The following EBNA1BP2 variants were observed in gnomAD, a reference collection of about 807,000 sequenced individuals.
The protein encoded by EBNA1BP2 is EBNA1 binding protein 2.
Under a neutral mutation model 43.5 loss-of-function variants are expected in EBNA1BP2, and 36 were observed. That is an observed-to-expected ratio of 0.83 (90% CI 0.63 to 1.09). The LOEUF (loss-of-function observed/expected upper bound fraction) is 1.09, where lower values mean the gene tolerates loss of function less well. Ranked by LOEUF, EBNA1BP2 falls within the 50% of genes least tolerant of loss-of-function variation. EBNA1BP2 has a pLI of 0.00. For synonymous variants in EBNA1BP2, 127 were observed against 141.3 expected, an observed-to-expected ratio of 0.90 and a Z score of 0.72; for missense variants, 332 against 379.1, an observed-to-expected ratio of 0.88 and a Z score of 1.03.
chr1:43,171,305 TG>T, intron 3 of EBNA1BP2, 173 bp downstream of exon 3: 1 of 841,122 alleles, frequency 1.2e-6, no homozygotes, highest in Non-Finnish European at 1.7e-6. Flanking sequence ...ATCGTGACCG[TG>T]GACCAAAGAG....
upstream of EBNA1BP2, chr1:43,172,387 C>T (rs1364532173): frequency 6.4e-7 from 1 of 1,551,428 alleles, no homozygotes; most frequent in Non-Finnish European, 8.7e-7. Flanking sequence ...GTCCGGGTTG[C>T]TTAGGATCCC....
chr1:43,172,205 C>T lies in EBNA1BP2; in HGVS notation c.-87G>A. The T allele has an allele frequency of 1.3e-6, 2 of 1,595,286 alleles. No individual in the cohort carries two copies. The highest frequency in any genetic ancestry group is 1.1e-5 in the South Asian group (1 of 89,294). ...TAGCAGAGGGCGGCCCTGGCCGCTG[C>T]TGCCTGCCTTCAGCCCCCTACTCCC... On this transcript the variant is annotated 5_prime_UTR_variant, in exon 1 of 9. Coordinates refer to ENST00000236051, the MANE Select transcript of EBNA1BP2 (RefSeq NM_006824.3).
chr1:43,168,911 C>T, intron 5 of EBNA1BP2, 28 bp downstream of exon 5: 1 of 1,612,170 alleles, frequency 6.2e-7, no homozygotes, highest in Non-Finnish European at 8.5e-7. Flanking sequence ...TCCGCCTCTT[C>T]CTGTTCCCTG....
At chr1:43,168,641 C>T (rs1018727470) in intron 5 of EBNA1BP2, among the ~76,000 whole-genome samples, 1 of 152,092 alleles carries the variant, frequency 6.6e-6, no homozygotes, top group Non-Finnish European at 1.5e-5. Flanking sequence ...GAAAAATTTC[C>T]CCTGGTGATT....
At position 43,171,879 on chromosome 1, in the gene EBNA1BP2, C is replaced by A; in HGVS notation, c.150+7G>T. On this transcript the variant is annotated splice_region_variant and intron_variant, in intron 2 of 8. Transcript: ENST00000236051. ...CCGAGTACCCCCGACCCTGTGCCCACGCTCACCACGTCGTTCACGGCCTTC... is the reference window on the plus strand; with the variant it reads ...CCGAGTACCCCCGACCCTGTGCCCAAGCTCACCACGTCGTTCACGGCCTTC... 6.2e-7 allele frequency: 1 copy of A among 1,613,756 alleles called. No individual in the cohort carries two copies. The highest frequency in any genetic ancestry group is 2.2e-5 in the East Asian group (1 of 44,880).
Position 43,167,233 on chromosome 1 carries a change from C to A in EBNA1BP2, c.540G>T (p.Val180=). Residue 180 remains valine, a splice_region_variant and synonymous_variant, in exon 6 of 9, where the codon GTG becomes GTT. Transcript: ENST00000236051. The part of the protein sequence containing the change: ...LRALRKYGKK[V]QTEVLQKRQQ... ...GCCTCTTCTGAAGAACCTCCGTTTGCACCTGTGATATGAACACAAGGACCG... is the reference window on the plus strand; with the variant it reads ...GCCTCTTCTGAAGAACCTCCGTTTGAACCTGTGATATGAACACAAGGACCG... 6.2e-7 allele frequency: 1 copy of A among 1,614,106 alleles called. No homozygotes were observed. Among genetic ancestry groups the A allele is most frequent in the Non-Finnish European group, 8.5e-7 (1 of 1,180,014 alleles).
Position 43,164,806 on chromosome 1 carries a change from C to G in EBNA1BP2, c.708-1G>C. On this transcript the variant is annotated splice_acceptor_variant, in intron 7 of 8. Transcript: ENST00000236051. LOFTEE classifies it high-confidence loss of function. Reference sequence around the variant, plus strand: ...TTTATACCGTCGTTTAGCACTGGGCCTGGAAAAGAATGGTCCTAGACATCA... The same window carrying G: ...TTTATACCGTCGTTTAGCACTGGGCGTGGAAAAGAATGGTCCTAGACATCA... The G allele has an allele frequency of 6.2e-7, 1 of 1,614,118 alleles. No individual in the cohort carries two copies.
At chr1:43,166,693 TG>T in intron 7 of EBNA1BP2, 132 bp downstream of exon 7, 1 of 873,094 alleles carries the variant, frequency 1.1e-6, no homozygotes. Context: ...ATAGGGGTCC[TG>T]GCCCCAGGCA....
intron 4 of EBNA1BP2, 48 bp from the exon 5 acceptor site, chr1:43,169,076 C>T (rs749391469): frequency 1.3e-6 from 2 of 1,584,188 alleles, no homozygotes; most frequent in South Asian, 2.2e-5. Flanking sequence ...TCTGGAATGA[C>T]CACTACTTAG....
chr1:43,170,210 G>A (rs1644946244), intron 4 of EBNA1BP2, among the ~76,000 whole-genome samples: 1 of 152,116 alleles, frequency 6.6e-6, no homozygotes, highest in South Asian at 2.1e-4. Flanking sequence ...ATCCAAGGTT[G>A]GTTGAATCCA....
rs533297194 is a variant in EBNA1BP2, at chr1:43,170,735, A to G, written c.447+21T>C. On this transcript the variant is annotated intron_variant, in intron 4 of 8. Coordinates refer to ENST00000236051, the MANE Select transcript of EBNA1BP2 (RefSeq NM_006824.3). Reference sequence around the variant, plus strand: ...TAAGTACAAAGTTTTGACTTTCCAGAGGAAAACTTCTATTTCTTACCTTCT... The same window carrying G: ...TAAGTACAAAGTTTTGACTTTCCAGGGGAAAACTTCTATTTCTTACCTTCT... 1.8e-5 allele frequency: 29 copies of G among 1,599,794 alleles called. No homozygotes were observed. In the Admixed American group the frequency reaches 4.9e-4, roughly 27 times the overall value.
chr1:43,165,061 G>A (rs1168394789), intron 7 of EBNA1BP2, among the ~76,000 whole-genome samples: 1 of 152,046 alleles, frequency 6.6e-6, no homozygotes, highest in South Asian at 2.1e-4. Flanking sequence ...TATATTACAT[G>A]GCTTCCTGCT....
intron 4 of EBNA1BP2, 60 bp from the exon 5 acceptor site, chr1:43,169,088 A>T (rs752433960): frequency 2.6e-6 from 4 of 1,543,254 alleles, no homozygotes; most frequent in Non-Finnish European, 3.6e-6. Flanking sequence ...ACTACTTAGG[A>T]TTCGCTAGAG....
intron 3 of EBNA1BP2, chr1:43,171,168 T>C: frequency 2.2e-6 from 1 of 459,772 alleles, no homozygotes; most frequent in Non-Finnish European, 3.7e-6. Context: ...CTTATGTAAT[T>C]ACTAAAGCAA....
chr1:43,167,333 T>A, intron 5 of EBNA1BP2, 98 bp from the exon 6 acceptor site: 1 of 1,162,654 alleles, frequency 8.6e-7, no homozygotes, highest in Non-Finnish European at 1.3e-6. Context: ...ACCACTACCC[T>A]CTGACATTTA....
chr1:43,169,096 G>A (rs777363300), intron 4 of EBNA1BP2, 68 bp from the exon 5 acceptor site: 21 of 1,506,928 alleles, frequency 1.4e-5, no homozygotes, highest in Non-Finnish European at 1.8e-5. Flanking sequence ...GGATTCGCTA[G>A]AGCAGGGAAC....
chr1:43,172,484 G>A, upstream of EBNA1BP2: 1 of 1,537,166 alleles, frequency 6.5e-7, no homozygotes, highest in Non-Finnish European at 8.8e-7. Flanking sequence ...GTCGCCAGAA[G>A]GAGCTGGTAG....
In EBNA1BP2 at chr1:43,164,486, G is replaced by C; in HGVS notation, c.878C>G (p.Pro293Arg). The C allele has an allele frequency of 6.2e-7, 1 of 1,614,082 alleles. No homozygotes were observed. The highest frequency in any genetic ancestry group is 8.5e-7 in the Non-Finnish European group (1 of 1,180,026). The change falls in exon 9 of 9, where the codon CCT becomes CGT. Residue 293 changes from proline (P) to arginine (R), a missense_variant. Pro to Arg is a moderately radical substitution (Grantham distance 103). This residue lies in a region of EBNA1BP2 where 59 missense variants were observed against 53.3 expected (regional missense o/e 1.11). Coordinates refer to ENST00000236051, the MANE Select transcript of EBNA1BP2 (RefSeq NM_006824.3). ...CATCTTCTCTCTTGTTCGTTTTCCA[G>C]GTCTCTTCTACAGAAAAAGACATAC... The part of the protein sequence containing the change: ...RPGKKGSNKR[P>R]GKRTREKMKN...
Position 43,164,286 on chromosome 1 carries a change from G to T in EBNA1BP2, c.*157C>A. 1 of 792,524 alleles carries T rather than the reference G, an allele frequency of 1.3e-6. No individual in the cohort carries two copies. Among genetic ancestry groups the T allele is most frequent in the Non-Finnish European group, 2.0e-6 (1 of 499,188 alleles). 49.1% of individuals were successfully genotyped at this position (792,524 alleles called of 1,614,324 possible). ...AGTAACTTCTCAATCTTTTAGTCTA[G>T]ACTATTTAACCAAAGGTATGTGTTC... On this transcript the variant is annotated 3_prime_UTR_variant, in exon 9 of 9. Coordinates refer to ENST00000236051, the MANE Select transcript of EBNA1BP2 (RefSeq NM_006824.3).
Sources: gnomAD v4.1 joint callset for allele counts (sites outside exome capture counted in the v4.1 genomes callset) on GRCh38, gnomAD v4.1.1 for gene constraint, gnomAD v4.1.1 regional missense constraint, MANE v1.5 for transcripts, NCBI Gene and HGNC (gene_info 2026-07-23, HGNC 2026-07-21) for gene names.